RANBP2: variants seen among roughly 807,000 people sequenced by gnomAD.
RANBP2 encodes RAN binding protein 2.
RANBP2 carries 57 observed loss-of-function variants against 303.6 expected under a neutral mutation model. The observed-to-expected ratio is 0.19, with a 90% CI of 0.15 to 0.23. RANBP2 has a LOEUF of 0.23. RANBP2 is among the 10% of genes least tolerant of loss of function. The pLI, the probability that RANBP2 is intolerant of heterozygous loss-of-function variation, is 1.00. For synonymous variants in RANBP2, 1,167 were observed against 1,301.5 expected, an observed-to-expected ratio of 0.90 and a Z score of 2.23; for missense variants, 3,138 against 3,780.8, an observed-to-expected ratio of 0.83 and a Z score of 4.46.
the RANBP2 span, among the ~76,000 whole-genome samples, chr2:109,356,463 G>A: frequency 6.6e-6 from 1 of 152,320 alleles, no homozygotes; most frequent in African/African-American, 2.4e-5. Flanking sequence ...CACTCGACAT[G>A]CTTGGGTTTT....
chr2:109,678,119 A>G, the RANBP2 span, among the ~76,000 whole-genome samples: 2 of 152,246 alleles, frequency 1.3e-5, no homozygotes, highest in Middle Eastern at 3.2e-3. Context: ...CCACTGTTCC[A>G]TCACTCAGAA....
the RANBP2 span, among the ~76,000 whole-genome samples, chr2:109,021,727 C>T: frequency 4.0e-5 from 6 of 151,066 alleles, no homozygotes; most frequent in Admixed American, 3.3e-4. Context: ...TACCAGGTCC[C>T]CAGGGCCACA....
At chr2:109,314,462 A>G in the RANBP2 span, among the ~76,000 whole-genome samples, 1 of 152,202 alleles carries the variant, frequency 6.6e-6, no homozygotes, top group Admixed American at 6.5e-5. Flanking sequence ...CCCTGGGGAA[A>G]GCAGGTCAGC....
the RANBP2 span, chr2:109,419,498 T>C: frequency 6.5e-7 from 1 of 1,542,588 alleles, no homozygotes; most frequent in Middle Eastern, 1.7e-4. Flanking sequence ...TTGGATGGAG[T>C]CTCTGTCTCC....
At chr2:109,314,753 T>A in the RANBP2 span, among the ~76,000 whole-genome samples, 3 of 152,356 alleles carry the variant, frequency 2.0e-5, no homozygotes, top group Admixed American at 1.3e-4. Flanking sequence ...TTTCTTATTC[T>A]GTAAATTATT....
At chr2:108,791,290 C>T in the RANBP2 span, among the ~76,000 whole-genome samples, 1 of 152,136 alleles carries the variant, frequency 6.6e-6, no homozygotes, top group Non-Finnish European at 1.5e-5. Flanking sequence ...CCACTTTCTA[C>T]TCGTTATGTC....
chr2:109,464,932 AGTTT>A, the RANBP2 span, among the ~76,000 whole-genome samples: 1 of 152,238 alleles, frequency 6.6e-6, no homozygotes, highest in South Asian at 2.1e-4. Flanking sequence ...CATACAGGAT[AGTTT>A]GACTGCCCTA....
At chr2:109,295,610 G>A in the RANBP2 span, among the ~76,000 whole-genome samples, 4 of 152,334 alleles carry the variant, frequency 2.6e-5, no homozygotes, top group East Asian at 7.7e-4. Flanking sequence ...GTAGCCACCT[G>A]CAAGTGCCCA....
At chr2:109,570,998 G>A in the RANBP2 span, among the ~76,000 whole-genome samples, 3 of 152,160 alleles carry the variant, frequency 2.0e-5, no homozygotes, top group African/African-American at 7.2e-5. Context: ...GGTGAGAGGT[G>A]ACTGGATCAT....
At chr2:109,469,618 G>A in the RANBP2 span, among the ~76,000 whole-genome samples, 3 of 152,272 alleles carry the variant, frequency 2.0e-5, no homozygotes, top group East Asian at 3.9e-4. Context: ...GGGCCCCAGT[G>A]GCTCAGAGTG....
At chr2:108,972,793 G>C in the RANBP2 span, among the ~76,000 whole-genome samples, 1 of 152,150 alleles carries the variant, frequency 6.6e-6, no homozygotes, top group African/African-American at 2.4e-5. Flanking sequence ...GGACCGGGGG[G>C]CCTCCGGCAG....
At chr2:108,821,982 A>C in the RANBP2 span, among the ~76,000 whole-genome samples, 1 of 152,000 alleles carries the variant, frequency 6.6e-6, no homozygotes, top group Non-Finnish European at 1.5e-5. Context: ...CTTTAAATGC[A>C]AATAGATGAA....
At chr2:109,545,738 T>G in the RANBP2 span, 1 of 1,430,100 alleles carries the variant, frequency 7.0e-7, no homozygotes, top group East Asian at 2.5e-5. Context: ...GGGCCACGGC[T>G]GGGCTATTCA....
chr2:109,350,385 C>G, the RANBP2 span, among the ~76,000 whole-genome samples: 7 of 152,118 alleles, frequency 4.6e-5, no homozygotes, highest in African/African-American at 1.7e-4. Context: ...ATTCTTTGTT[C>G]AAGGACTTTC....
At chr2:108,874,510 T>C in the RANBP2 span, among the ~76,000 whole-genome samples, 1 of 152,204 alleles carries the variant, frequency 6.6e-6, no homozygotes, top group African/African-American at 2.4e-5. Flanking sequence ...AACAGTAACA[T>C]TTTTATTTTG....
At chr2:109,122,146 C>A in the RANBP2 span, among the ~76,000 whole-genome samples, 2 of 152,140 alleles carry the variant, frequency 1.3e-5, no homozygotes, top group African/African-American at 4.8e-5. Flanking sequence ...AGGGAACACG[C>A]TTTTGTTGAA....
chr2:109,342,772 C>T, the RANBP2 span, among the ~76,000 whole-genome samples: 1 of 152,190 alleles, frequency 6.6e-6, no homozygotes. Flanking sequence ...GTTGTGCCCA[C>T]GTGAGCGCCA....
At chr2:109,587,643 G>T in the RANBP2 span, among the ~76,000 whole-genome samples, 5 of 152,184 alleles carry the variant, frequency 3.3e-5, no homozygotes, top group African/African-American at 1.2e-4. Context: ...GCCTGGTGTG[G>T]TGGCTCACGC....
At chr2:109,143,194 G>C in the RANBP2 span, among the ~76,000 whole-genome samples, 1 of 152,152 alleles carries the variant, frequency 6.6e-6, no homozygotes, top group Admixed American at 6.5e-5. Flanking sequence ...GGTGCATATA[G>C]AAAAATTGTG....
Sources: gnomAD v4.1 joint callset for allele counts (sites outside exome capture counted in the v4.1 genomes callset) on GRCh38, gnomAD v4.1.1 for gene constraint, MANE v1.5 for transcripts, NCBI Gene and HGNC (gene_info 2026-07-23, HGNC 2026-07-21) for gene names.